Variants in NDUFAB1 observed in about 807,000 individuals in gnomAD.
NDUFAB1 encodes the protein NADH:ubiquinone oxidoreductase subunit AB1, also known as acyl carrier protein, mitochondrial.
Under a neutral mutation model 16.1 loss-of-function variants are expected in NDUFAB1, and 5 were observed. The observed-to-expected ratio is 0.31, with a 90% CI of 0.16 to 0.65. The LOEUF (loss-of-function observed/expected upper bound fraction) is 0.65, where lower values mean the gene tolerates loss of function less well. NDUFAB1 is among the 30% of genes least tolerant of loss of function. The pLI is 0.77. For synonymous variants in NDUFAB1, 85 were observed against 78.4 expected (o/e 1.08, Z -0.44); for missense variants, 187 against 205.3 (o/e 0.91, Z 0.54).
chr16:23,585,678 C>A (rs756008376), intron 2 of NDUFAB1, among the ~76,000 whole-genome samples: 3 of 152,120 alleles, frequency 2.0e-5, no homozygotes, highest in Non-Finnish European at 4.4e-5. Flanking sequence ...TACCCCTTGA[C>A]AGGCCCTGGT....
At chr16:23,583,162 A>G (rs955166570) in intron 3 of NDUFAB1, among the ~76,000 whole-genome samples, 3 of 150,132 alleles carry the variant, frequency 2.0e-5, no homozygotes, top group Admixed American at 1.3e-4. Flanking sequence ...GATCTCGGCT[A>G]GCTACAACCT....
At chr16:23,589,026 G>A (rs557969450) in intron 1 of NDUFAB1, among the ~76,000 whole-genome samples, 5 of 152,182 alleles carry the variant, frequency 3.3e-5, no homozygotes, top group South Asian at 2.1e-4. Flanking sequence ...TAGGCTGGGC[G>A]CAGTGGCTCA....
At chr16:23,585,567 T>A in intron 2 of NDUFAB1, 144 bp from the exon 3 acceptor site, 1 of 620,384 alleles carries the variant, frequency 1.6e-6, no homozygotes, top group Non-Finnish European at 2.9e-6. Context: ...AACGTGCAGG[T>A]TTGTTACATA....
chr16:23,595,196 T>C (rs1330594321), intron 1 of NDUFAB1, among the ~76,000 whole-genome samples: 2 of 151,904 alleles, frequency 1.3e-5, no homozygotes, highest in Admixed American at 1.3e-4. Flanking sequence ...AGGTTGCCGT[T>C]AGCCGGAGGT....
chr16:23,594,875 CTT>C (rs764509060), intron 1 of NDUFAB1, among the ~76,000 whole-genome samples: 4 of 152,114 alleles, frequency 2.6e-5, no homozygotes, highest in Admixed American at 2.6e-4. Flanking sequence ...GGTTTCATAA[CTT>C]GACCTTGGGA....
chr16:23,584,431 C>T (rs1393132924), intron 3 of NDUFAB1, among the ~76,000 whole-genome samples: 2 of 151,188 alleles, frequency 1.3e-5, no homozygotes, highest in Admixed American at 6.6e-5. Context: ...TCGGCACGTT[C>T]TCAAGGTTCG....
intron 3 of NDUFAB1, among the ~76,000 whole-genome samples, chr16:23,584,929 G>C (rs1966220414): frequency 6.6e-6 from 1 of 152,236 alleles, no homozygotes; most frequent in Admixed American, 6.5e-5. Context: ...CAGAGGCTCT[G>C]GGTGCGTCTC....
intron 1 of NDUFAB1, chr16:23,595,336 C>T (rs1966315020): frequency 3.1e-6 from 1 of 325,762 alleles, no homozygotes; most frequent in East Asian, 8.7e-5. Context: ...ATTTCATCAG[C>T]TCAAGCTATA....
chr16:23,584,082 C>T (rs1966209363), intron 3 of NDUFAB1, among the ~76,000 whole-genome samples: 1 of 150,934 alleles, frequency 6.6e-6, no homozygotes, highest in Non-Finnish European at 1.5e-5. Flanking sequence ...GAGTCATCAC[C>T]ACTCCCTAAT....
chr16:23,584,255 T>TAACAAAAAAAAAAAAAAA (rs1966212305), intron 3 of NDUFAB1, among the ~76,000 whole-genome samples: 1 of 34,064 alleles, frequency 2.9e-5, no homozygotes, highest in Non-Finnish European at 5.9e-5. Context: ...AATGATCAAT[T>TAACAAAAAAAAAAAAAAA]AAAAAAAAAA....
intron 3 of NDUFAB1, among the ~76,000 whole-genome samples, chr16:23,585,026 G>T (rs1290846926): frequency 6.6e-6 from 1 of 152,210 alleles, no homozygotes; most frequent in East Asian, 1.9e-4. Context: ...TTCCGGGGAG[G>T]CTTTTGCCCT....
chr16:23,582,889 G>A lies in NDUFAB1; in HGVS notation c.380-514C>T, dbSNP rs549838124. On this transcript the variant is annotated intron_variant, in intron 3 of 4. Transcript: ENST00000007516. ...CGAGCCGAAGCTGGACTGTACTGCC[G>A]CCATCTCTGCTCACTGCAACCTCCC... Among the ~76,000 whole-genome samples the A allele has an allele frequency of 4.7e-3, 714 of 151,048 alleles. 2 individuals carry two copies. The highest frequency in any genetic ancestry group is 4.6e-3 in the Non-Finnish European group (309 of 67,822).
At chr16:23,584,500 A>G (rs1966217096) in intron 3 of NDUFAB1, among the ~76,000 whole-genome samples, 1 of 151,534 alleles carries the variant, frequency 6.6e-6, no homozygotes, top group Non-Finnish European at 1.5e-5. Context: ...GGTTTTTATA[A>G]ATGGCTGGGT....
chr16:23,594,559 A>T (rs1966306845), intron 1 of NDUFAB1, among the ~76,000 whole-genome samples: 1 of 151,732 alleles, frequency 6.6e-6, no homozygotes, highest in Admixed American at 6.6e-5. Flanking sequence ...TCACTGTGTT[A>T]GCCAGAATGG....
At chr16:23,594,463 C>T (rs1014772629) in intron 1 of NDUFAB1, among the ~76,000 whole-genome samples, 1 of 152,090 alleles carries the variant, frequency 6.6e-6, no homozygotes, top group East Asian at 1.9e-4. Flanking sequence ...ATCGATCCTC[C>T]CACCTCAGCC....
intron 3 of NDUFAB1, among the ~76,000 whole-genome samples, chr16:23,584,697 C>T (rs2142232925): frequency 6.6e-6 from 1 of 152,282 alleles, no homozygotes; most frequent in East Asian, 1.9e-4. Flanking sequence ...AATTCCAGAC[C>T]TGGTACTCTT....
intron 4 of NDUFAB1, 23 bp downstream of exon 4, chr16:23,582,253 C>T: frequency 2.1e-6 from 3 of 1,441,876 alleles, no homozygotes; most frequent in East Asian, 5.2e-5. Flanking sequence ...TATGGGTGAA[C>T]ATCATTTTTT....
chr16:23,587,224 T>C lies in NDUFAB1; in HGVS notation c.264A>G (p.Lys88=), dbSNP rs769171381. ...GIQDRVLYVL[K]LYDKIDPEKL... ...TCTCTGGGTCAATCTTGTCATAGAGTTTCAATACGTAAAGAACACGGTCCT... is the reference window on the plus strand; with the variant it reads ...TCTCTGGGTCAATCTTGTCATAGAGCTTCAATACGTAAAGAACACGGTCCT... The change falls in exon 2 of 5, where the codon AAA becomes AAG. Residue 88 remains lysine, a synonymous_variant. Transcript: ENST00000007516. 9.3e-6 allele frequency: 15 copies of C among 1,612,786 alleles called. No individual in the cohort carries two copies. Among genetic ancestry groups the C allele is most frequent in the African/African-American group, 6.7e-5 (5 of 74,554 alleles).
intron 2 of NDUFAB1, among the ~76,000 whole-genome samples, chr16:23,586,950 T>C (rs544314529): frequency 1.3e-4 from 20 of 152,264 alleles, no homozygotes; most frequent in African/African-American, 4.3e-4. Flanking sequence ...GCCCGGCCAG[T>C]TGTGTTTTTT....
Sources: allele counts gnomAD v4.1 joint callset (sites outside exome capture counted in the v4.1 genomes callset), GRCh38; gene constraint gnomAD v4.1.1; transcripts MANE v1.5; gene names NCBI Gene and HGNC (gene_info 2026-07-23, HGNC 2026-07-21).